ZFP82: variants seen among roughly 807,000 people sequenced by gnomAD.
ZFP82 encodes zinc finger protein 82 homolog.
ZFP82 carries 30 observed loss-of-function variants against 54.0 expected under a neutral mutation model. The observed-to-expected ratio is 0.56, with a 90% confidence interval of 0.42 to 0.75. The LOEUF (loss-of-function observed/expected upper bound fraction) is 0.75, where lower values mean the gene tolerates loss of function less well. ZFP82 is among the 30% of genes least tolerant of loss of function. ZFP82 has a pLI of 0.00. For synonymous variants in ZFP82, 194 were observed against 209.5 expected, an observed-to-expected ratio of 0.93 and a Z score of 0.64; for missense variants, 500 against 636.8, an observed-to-expected ratio of 0.79 and a Z score of 2.31.
intron 2 of ZFP82, 101 bp downstream of exon 2, chr19:36,409,680 A>C (rs1012126646): frequency 8.0e-7 from 1 of 1,257,476 alleles, no homozygotes; most frequent in Admixed American, 1.8e-5. Flanking sequence ...AACTGGAAGA[A>C]GGTTCTTGGA....
intron 1 of ZFP82, among the ~76,000 whole-genome samples, chr19:36,416,717 T>C (rs1466540353): frequency 1.4e-5 from 2 of 144,142 alleles, no homozygotes; most frequent in Non-Finnish European, 3.0e-5. Flanking sequence ...GATCACACCA[T>C]TGCACTCCAG....
Position 36,389,719 on chromosome 19 carries a change from T to C in ZFP82, c.*3022A>G, listed in dbSNP as rs906893697. The stretch of plus-strand genomic sequence containing the variant: ...ATTCCTTCAAATCTTGTATTGACTA[T>C]GTTTTCTTTATTTTCTGTATTCCTG... On this transcript the variant is annotated 3_prime_UTR_variant, in exon 5 of 5. Coordinates refer to ENST00000392161, the MANE Select transcript of ZFP82 (RefSeq NM_133466.4). 7.2e-5 allele frequency among the ~76,000 whole-genome samples: 11 copies of C among 152,244 alleles called. No homozygotes were observed. Among genetic ancestry groups the C allele is most frequent in the African/African-American group, 2.4e-4 (10 of 41,474 alleles).
At chr19:36,412,080 G>GAC (rs1476104181) in intron 1 of ZFP82, among the ~76,000 whole-genome samples, 1 of 89,264 alleles carries the variant, frequency 1.1e-5, no homozygotes, top group Non-Finnish European at 2.5e-5. Context: ...GAGAAACAGA[G>GAC]AGAGAGAGAG....
intron 4 of ZFP82, among the ~76,000 whole-genome samples, chr19:36,396,676 A>AT (rs1445340267): frequency 1.3e-5 from 2 of 151,900 alleles, no homozygotes; most frequent in African/African-American, 2.4e-5. Context: ...ACATACATAA[A>AT]TAAAGTAATT....
intron 3 of ZFP82, among the ~76,000 whole-genome samples, chr19:36,407,002 A>G (rs994883034): frequency 1.4e-4 from 22 of 152,058 alleles, no homozygotes; most frequent in Non-Finnish European, 2.6e-4. Flanking sequence ...AATATACAAT[A>G]CATTATTATT....
intron 1 of ZFP82, among the ~76,000 whole-genome samples, chr19:36,413,271 C>T (rs2032610192): frequency 6.6e-6 from 1 of 152,014 alleles, no homozygotes; most frequent in African/African-American, 2.4e-5. Flanking sequence ...ATAAGCTGGG[C>T]GTGGTGGCAG....
chr19:36,383,533 T>G (rs1447856741), exon 2 of ZFP82: 1 of 152,170 alleles, frequency 6.6e-6, no homozygotes, highest in Admixed American at 6.5e-5. Context: ...AGATGCCTGG[T>G]ATCACCATGA....
chr19:36,397,599 C>T (rs1429088019), intron 4 of ZFP82, among the ~76,000 whole-genome samples: 1 of 151,900 alleles, frequency 6.6e-6, no homozygotes, highest in Non-Finnish European at 1.5e-5. Flanking sequence ...CTCACTCTGT[C>T]ACCCAGGCTA....
At chr19:36,417,625 G>A (rs1184824142) in intron 1 of ZFP82, among the ~76,000 whole-genome samples, 1 of 152,076 alleles carries the variant, frequency 6.6e-6, no homozygotes, top group East Asian at 1.9e-4. Context: ...GCCTCGCATA[G>A]GGCACAATGC....
intron 1 of ZFP82, among the ~76,000 whole-genome samples, chr19:36,412,207 A>G (rs2145599715): frequency 6.6e-6 from 1 of 152,378 alleles, no homozygotes; most frequent in East Asian, 1.9e-4. Flanking sequence ...TTATTAGGAC[A>G]TCTGTAAAGT....
Position 36,389,416 on chromosome 19 carries a change from G to A in ZFP82, c.*3325C>T, listed in dbSNP as rs755696040. Among the ~76,000 whole-genome samples the A allele has an allele frequency of 6.6e-5, 10 of 152,202 alleles. No homozygotes were observed. Among genetic ancestry groups the A allele is most frequent in the Non-Finnish European group, 1.3e-4 (9 of 68,040 alleles). On this transcript the variant is annotated 3_prime_UTR_variant, in exon 5 of 5. Coordinates refer to ENST00000392161, the MANE Select transcript of ZFP82 (RefSeq NM_133466.4). ...GTAAAGATAGTAAGAACGGCACAAT[G>A]AACCCTGTGTACCTAATGATCCAGA...
At chr19:36,409,274 T>TA (rs1457935835) in intron 2 of ZFP82, among the ~76,000 whole-genome samples, 4 of 146,430 alleles carry the variant, frequency 2.7e-5, no homozygotes. Context: ...GTTTTATAAC[T>TA]TTTTTTTTTT....
intron 4 of ZFP82, among the ~76,000 whole-genome samples, chr19:36,401,719 T>C (rs533272381): frequency 2.6e-5 from 4 of 152,334 alleles, no homozygotes; most frequent in East Asian, 3.9e-4. Context: ...AGTGGTTACA[T>C]TACCGGGTCC....
At chr19:36,384,601 C>T (rs974426037), downstream of ZFP82, among the ~76,000 whole-genome samples, 3 of 152,228 alleles carry the variant, frequency 2.0e-5, no homozygotes, top group Middle Eastern at 3.4e-3. Context: ...AGCTCTCATA[C>T]ATGTTTCACA....
chr19:36,397,549 AATGG>A (rs914418836), intron 4 of ZFP82, among the ~76,000 whole-genome samples: 4 of 151,716 alleles, frequency 2.6e-5, no homozygotes, highest in African/African-American at 9.7e-5. Context: ...ACACAGCTAA[AATGG>A]ATAATTTGTT....
intron 1 of ZFP82, among the ~76,000 whole-genome samples, chr19:36,410,809 TTA>T (rs2032567005): frequency 6.6e-6 from 1 of 152,106 alleles, no homozygotes; most frequent in Non-Finnish European, 1.5e-5. Flanking sequence ...CCGGCCTGTT[TTA>T]TATATATTAA....
chr19:36,392,906 A>C lies in ZFP82; in HGVS notation c.1434T>G (p.Phe478Leu). ...AGGCCTTCCTACATTCCTTACACTC[A>C]AAGGGTTTTTCGCCAGTATGAATGC... ...HQSIHTGEKP[F>L]ECKECRKAFR... Residue 478 changes from phenylalanine (F) to leucine (L), a missense_variant, in exon 5 of 5, where the codon TTT (phenylalanine) becomes TTG (leucine). Coordinates refer to ENST00000392161, the MANE Select transcript of ZFP82 (RefSeq NM_133466.4). 6.2e-7 allele frequency: 1 copy of C among 1,613,914 alleles called. No homozygotes were observed. Among genetic ancestry groups the C allele is most frequent in the Non-Finnish European group, 8.5e-7 (1 of 1,179,912 alleles).
At chr19:36,416,624 T>C (rs901315481) in intron 1 of ZFP82, among the ~76,000 whole-genome samples, 1 of 151,432 alleles carries the variant, frequency 6.6e-6, no homozygotes, top group African/African-American at 2.4e-5. Flanking sequence ...GGCGTGGTGG[T>C]ATATGCCTGT....
chr19:36,394,780 T>C (rs148442134), intron 4 of ZFP82: 1 of 152,356 alleles, frequency 6.6e-6, no homozygotes, highest in African/African-American at 2.4e-5. Context: ...AGGTTGACCC[T>C]ATTGATAGTA....
Sources: allele counts gnomAD v4.1 joint callset (sites outside exome capture counted in the v4.1 genomes callset), GRCh38; gene constraint gnomAD v4.1.1; transcripts MANE v1.5; gene names NCBI Gene and HGNC (gene_info 2026-07-23, HGNC 2026-07-21).